Variants in ASMTL observed in about 807,000 individuals in gnomAD.
ASMTL encodes acetylserotonin O-methyltransferase like, also known as probable bifunctional dTTP/UTP pyrophosphatase/methyltransferase protein.
ASMTL carries 57 observed loss-of-function variants against 60.3 expected under a neutral mutation model. The ratio of observed to expected loss-of-function variants is 0.95; its 90% CI spans 0.76 to 1.18. ASMTL has a LOEUF of 1.18. ASMTL is among the 50% of genes most tolerant of loss of function. The pLI is 0.00. For missense variants in ASMTL, 981 were observed against 852.6 expected, an observed-to-expected ratio of 1.15 and a Z score of -1.88; for synonymous variants, 419 against 373.0, an observed-to-expected ratio of 1.12 and a Z score of -1.42.
chrX:1,451,276 C>A (rs1231888262), intron 1 of ASMTL, among the ~76,000 whole-genome samples: 6 of 149,576 alleles, frequency 4.0e-5, no homozygotes, highest in Non-Finnish European at 1.5e-5. Flanking sequence ...CTCCCCACCC[C>A]CATCCCTAGG....
At position 1,425,821 on chromosome X, in the gene ASMTL, G is replaced by A. The variant is rs757646570; in HGVS notation, c.898-134C>T. The A allele has an allele frequency of 1.8e-4, 150 of 840,898 alleles. 2 individuals are homozygous for A. The South Asian group carries it at 2.2e-3, about 12-fold the overall frequency. 52.1% of individuals were successfully genotyped at this position (840,898 alleles called of 1,614,324 possible). On this transcript the variant is annotated intron_variant, in intron 7 of 12. Coordinates refer to ENST00000381317, the MANE Select transcript of ASMTL (RefSeq NM_004192.4). ...CATTGAGCCTTCTTTCACAGAGAAC[G>A]GTGGGGATTTATAGGATCAAGTCCC... is the stretch of plus-strand genomic sequence containing the variant.
intron 2 of ASMTL, among the ~76,000 whole-genome samples, chrX:1,441,427 C>T (rs2091104461): frequency 6.6e-6 from 1 of 152,118 alleles, no homozygotes; most frequent in Non-Finnish European, 1.5e-5. Flanking sequence ...CAGGCACCCG[C>T]CACCACGCCC....
At chrX:1,432,756 G>A (rs1443056959) in intron 5 of ASMTL, among the ~76,000 whole-genome samples, 1 of 152,096 alleles carries the variant, frequency 6.6e-6, no homozygotes, top group African/African-American at 2.4e-5. Context: ...TTGAACCCGG[G>A]AGGTGCAGGT....
chrX:1,435,747 C>T lies in ASMTL; in HGVS notation c.285G>A (p.Gly95=), dbSNP rs1411411040. ...IGADTIVTVG[G]LILEKPVDKQ... Reference sequence around the variant, plus strand: ...TGTCCACCGGCTTCTCCAGAATCAGCCCCCCGACTGTCTGTGAGAGGAAGG... The same window carrying T: ...TGTCCACCGGCTTCTCCAGAATCAGTCCCCCGACTGTCTGTGAGAGGAAGG... Residue 95 remains glycine (G), a synonymous_variant, in exon 4 of 13, where the codon GGG becomes GGA. Transcript: ENST00000381317. The T allele has an allele frequency of 6.2e-7, 1 of 1,613,358 alleles. No individual in the cohort carries two copies. Among genetic ancestry groups the T allele is most frequent in the Non-Finnish European group, 8.5e-7 (1 of 1,179,690 alleles).
At chrX:1,403,791 A>G (rs2089684468) in intron 12 of ASMTL, among the ~76,000 whole-genome samples, 1 of 152,114 alleles carries the variant, frequency 6.6e-6, no homozygotes, top group Non-Finnish European at 1.5e-5. Flanking sequence ...GTGGGTAGGT[A>G]GGTAGAAAGA....
At chrX:1,450,722 G>A (rs781687705) in intron 1 of ASMTL, among the ~76,000 whole-genome samples, 1 of 143,542 alleles carries the variant, frequency 7.0e-6, no homozygotes, top group Admixed American at 6.9e-5. Context: ...CCATCCCTAG[G>A]GGTTCTGGGT....
At chrX:1,417,526 C>CAG (rs1316042656) in intron 11 of ASMTL, among the ~76,000 whole-genome samples, 1 of 123,206 alleles carries the variant, frequency 8.1e-6, no homozygotes, top group Admixed American at 8.3e-5. Flanking sequence ...CAGACATGCA[C>CAG]ACACACACAC....
chrX:1,432,198 G>C, intron 6 of ASMTL, 71 bp downstream of exon 6: 1 of 1,291,372 alleles, frequency 7.7e-7, no homozygotes, highest in Non-Finnish European at 1.1e-6. Flanking sequence ...GGCTGGGTGG[G>C]ACACCCCACG....
intron 6 of ASMTL, among the ~76,000 whole-genome samples, chrX:1,430,558 C>T (rs1327123340): frequency 6.6e-6 from 1 of 151,858 alleles, no homozygotes; most frequent in Non-Finnish European, 1.5e-5. Context: ...ATCGCCTGAG[C>T]CCAGGAGTTC....
At chrX:1,442,390 T>G in intron 1 of ASMTL, 73 bp from the exon 2 acceptor site, 1 of 1,567,822 alleles carries the variant, frequency 6.4e-7, no homozygotes, top group Non-Finnish European at 8.8e-7. Context: ...ATGCAAGATT[T>G]GCAGGACGCA....
At chrX:1,412,662 C>G (rs2090075102) in intron 12 of ASMTL, 70 bp downstream of exon 12, 1 of 1,608,078 alleles carries the variant, frequency 6.2e-7, no homozygotes, top group Non-Finnish European at 8.5e-7. Flanking sequence ...CGCGCCCGGC[C>G]TCCTTGTAAA....
intron 3 of ASMTL, among the ~76,000 whole-genome samples, chrX:1,438,512 G>A (rs1266315576): frequency 1.3e-5 from 2 of 151,856 alleles, no homozygotes; most frequent in East Asian, 1.9e-4. Flanking sequence ...CTAGAACTGC[G>A]TACCTTCCTG....
In ASMTL at chrX:1,432,136, G is replaced by A. The variant is rs2090807865; in HGVS notation, c.509+133C>T. Reference sequence around the variant, plus strand: ...AAGGGTTTGTGCTTCTGAGCCGGGCGGCTCTCCCTGTGCCACACGGCCCCC... The same window carrying A: ...AAGGGTTTGTGCTTCTGAGCCGGGCAGCTCTCCCTGTGCCACACGGCCCCC... On this transcript the variant is annotated intron_variant, in intron 6 of 12. Coordinates refer to ENST00000381317, the MANE Select transcript of ASMTL (RefSeq NM_004192.4). The A allele has an allele frequency of 5.8e-5, 40 of 692,222 alleles. No homozygotes were observed. In the East Asian group the frequency reaches 1.1e-3, roughly 18 times the overall value. 42.9% of individuals were successfully genotyped at this position (692,222 alleles called of 1,614,324 possible). A position where few individuals can be genotyped will look rare whatever the true frequency, so the allele number is the denominator to read the frequency against.
chrX:1,437,322 T>G (rs758548154), intron 3 of ASMTL, among the ~76,000 whole-genome samples: 5 of 150,662 alleles, frequency 3.3e-5, no homozygotes, highest in South Asian at 2.1e-4. Flanking sequence ...GGTGTCTTAG[T>G]CCATTTCAGG....
intron 1 of ASMTL, among the ~76,000 whole-genome samples, chrX:1,443,473 G>A (rs1479125893): frequency 6.7e-6 from 1 of 149,322 alleles, no homozygotes; most frequent in African/African-American, 2.5e-5. Context: ...CACCACCATC[G>A]TGGACACATG....
At chrX:1,429,154 C>T (rs1344367961) in intron 6 of ASMTL, among the ~76,000 whole-genome samples, 2 of 151,742 alleles carry the variant, frequency 1.3e-5, no homozygotes, top group Non-Finnish European at 2.9e-5. Context: ...CTCGGCCCCC[C>T]AAAGTGCTGG....
At chrX:1,431,363 A>T (rs1218438189) in intron 6 of ASMTL, among the ~76,000 whole-genome samples, 18 of 134,396 alleles carry the variant, frequency 1.3e-4, no homozygotes, top group South Asian at 2.3e-4. Context: ...TATATAATTT[A>T]TATATAATTA....
At chrX:1,447,691 C>T (rs1310225293) in intron 1 of ASMTL, among the ~76,000 whole-genome samples, 4 of 151,678 alleles carry the variant, frequency 2.6e-5, no homozygotes, top group Admixed American at 6.6e-5. Flanking sequence ...GCACCACCAT[C>T]TTGGACACAC....
chrX:1,442,391 G>A (rs2091128410), intron 1 of ASMTL, 74 bp from the exon 2 acceptor site: 7 of 1,563,220 alleles, frequency 4.5e-6, no homozygotes, highest in Non-Finnish European at 4.4e-6. Context: ...TGCAAGATTT[G>A]CAGGACGCAC....
Sources: allele counts gnomAD v4.1 joint callset (sites outside exome capture counted in the v4.1 genomes callset), GRCh38; gene constraint gnomAD v4.1.1; transcripts MANE v1.5; gene names NCBI Gene and HGNC (gene_info 2026-07-23, HGNC 2026-07-21).